Variants in PKNOX2 observed in about 807,000 individuals in gnomAD.
PKNOX2 encodes homeobox protein PKNOX2.
A neutral mutation model predicts 53.1 loss-of-function variants in PKNOX2; 14 were observed. The ratio of observed to expected loss-of-function variants is 0.26; its 90% confidence interval spans 0.17 to 0.41. The LOEUF (loss-of-function observed/expected upper bound fraction) is 0.41, where lower values mean the gene tolerates loss of function less well. Among genes scored for constraint, PKNOX2 ranks in the 10% least tolerant of loss-of-function variants. The pLI is 1.00. For synonymous variants in PKNOX2, 257 were observed against 242.8 expected, an observed-to-expected ratio of 1.06 and a Z score of -0.54; for missense variants, 496 against 602.8, an observed-to-expected ratio of 0.82 and a Z score of 1.85.
At chr11:125,190,320 G>A (rs1434926424) in intron 1 of PKNOX2, among the ~76,000 whole-genome samples, 1 of 152,124 alleles carries the variant, frequency 6.6e-6, no homozygotes, top group Non-Finnish European at 1.5e-5. Flanking sequence ...CCTCCTATCC[G>A]TGCCCAGCAT....
intron 10 of PKNOX2, among the ~76,000 whole-genome samples, chr11:125,413,065 A>G (rs936356579): frequency 6.6e-6 from 1 of 152,200 alleles, no homozygotes; most frequent in Non-Finnish European, 1.5e-5. Flanking sequence ...GGAGCTCGGC[A>G]TCTCCCCAAA....
intron 1 of PKNOX2, among the ~76,000 whole-genome samples, chr11:125,195,889 A>G (rs1280958990): frequency 5.6e-5 from 3 of 53,558 alleles, no homozygotes; most frequent in Non-Finnish European, 1.3e-4. Context: ...ACATGCACAC[A>G]CACACACACA....
intron 6 of PKNOX2, among the ~76,000 whole-genome samples, chr11:125,388,480 A>T (rs1953802863): frequency 6.6e-6 from 1 of 152,150 alleles, no homozygotes; most frequent in East Asian, 1.9e-4. Context: ...TTTCTTATAT[A>T]TATGTGTGTC....
At chr11:125,225,060 T>A (rs573247688) in intron 1 of PKNOX2, among the ~76,000 whole-genome samples, 2 of 152,296 alleles carry the variant, frequency 1.3e-5, no homozygotes, top group East Asian at 3.9e-4. Flanking sequence ...TAGCTTGGCT[T>A]GGATTTGATA....
At chr11:125,228,508 ACC>A (rs1941920577) in intron 1 of PKNOX2, among the ~76,000 whole-genome samples, 1 of 152,038 alleles carries the variant, frequency 6.6e-6, no homozygotes, top group African/African-American at 2.4e-5. Context: ...TCTCAATGAC[ACC>A]CCACACTGGC....
rs368056683 is a variant in PKNOX2 at position 125,324,103 on chromosome 11, TGAGAA to T, written c.-129-7713_-129-7709del. On this transcript the variant is annotated intron_variant, in intron 2 of 12. Coordinates refer to ENST00000298282, the MANE Select transcript of PKNOX2 (RefSeq NM_001382323.2). ...GAAATGTCACCGACTCACCAAATGA[TGAGAA>T]GAAGAATTCTTCTTGTTTATTTCCC... 4.6e-3 allele frequency among the ~76,000 whole-genome samples: 706 copies of T among 152,216 alleles called. 4 individuals carry two copies. The highest frequency in any genetic ancestry group is 0.016 in the African/African-American group (670 of 41,534).
intron 6 of PKNOX2, among the ~76,000 whole-genome samples, chr11:125,395,520 C>G (rs1475396331): frequency 2.6e-5 from 4 of 152,190 alleles, no homozygotes. Context: ...AGTGGCTGTA[C>G]CATTTTACAC....
chr11:125,198,727 T>C (rs1324879748), intron 1 of PKNOX2, among the ~76,000 whole-genome samples: 3 of 145,220 alleles, frequency 2.1e-5, no homozygotes, highest in African/African-American at 7.3e-5. Flanking sequence ...CCTCCCTTAT[T>C]GCCACCTGCT....
chr11:125,256,714 T>G (rs1944425170), intron 2 of PKNOX2, among the ~76,000 whole-genome samples: 1 of 152,154 alleles, frequency 6.6e-6, no homozygotes, highest in South Asian at 2.1e-4. Flanking sequence ...GAGAGATACT[T>G]TTTTTCCAGA....
chr11:125,198,774 C>T (rs1335429339), intron 1 of PKNOX2, among the ~76,000 whole-genome samples: 1 of 151,886 alleles, frequency 6.6e-6, no homozygotes, highest in Non-Finnish European at 1.5e-5. Flanking sequence ...AGATTCTACT[C>T]CCTCACCTCT....
intron 1 of PKNOX2, among the ~76,000 whole-genome samples, chr11:125,211,732 A>G (rs1939875930): frequency 6.6e-6 from 1 of 152,068 alleles, no homozygotes; most frequent in Non-Finnish European, 1.5e-5. Flanking sequence ...TTTGGGCTGC[A>G]GGGGGAGGTG....
chr11:125,243,965 C>T (rs989048142), intron 2 of PKNOX2, among the ~76,000 whole-genome samples: 16 of 152,178 alleles, frequency 1.1e-4, no homozygotes, highest in African/African-American at 3.9e-4. Flanking sequence ...CCAGTGTGCA[C>T]TGCCAGGGGA....
chr11:125,404,498 C>T (rs1005594268), intron 7 of PKNOX2, among the ~76,000 whole-genome samples: 22 of 152,178 alleles, frequency 1.4e-4, no homozygotes, highest in Non-Finnish European at 4.4e-5. Context: ...TTTTCTTGGT[C>T]TAAGACAGGG....
At chr11:125,249,587 A>G (rs1022424137) in intron 2 of PKNOX2, among the ~76,000 whole-genome samples, 3 of 152,190 alleles carry the variant, frequency 2.0e-5, no homozygotes, top group Non-Finnish European at 4.4e-5. Context: ...GATGATTTAA[A>G]GTATATGGGA....
chr11:125,328,386 A>G (rs1949952741), intron 2 of PKNOX2, among the ~76,000 whole-genome samples: 1 of 138,300 alleles, frequency 7.2e-6, no homozygotes, highest in Admixed American at 7.1e-5. Context: ...AGAGTGAGTG[A>G]GAGAGAAAGA....
At chr11:125,320,268 C>A (rs1294485360) in intron 2 of PKNOX2, among the ~76,000 whole-genome samples, 1 of 152,142 alleles carries the variant, frequency 6.6e-6, no homozygotes, top group South Asian at 2.1e-4. Context: ...TGAATTAGCA[C>A]CCCTCCTTTT....
At chr11:125,187,233 T>C (rs1199186251) in intron 1 of PKNOX2, among the ~76,000 whole-genome samples, 2 of 152,198 alleles carry the variant, frequency 1.3e-5, no homozygotes, top group Non-Finnish European at 2.9e-5. Flanking sequence ...GATTAACTTT[T>C]CCGTTTTTTT....
At chr11:125,189,405 A>ATATATATATGTGTG (rs1440074150) in intron 1 of PKNOX2, among the ~76,000 whole-genome samples, 14 of 68,186 alleles carry the variant, frequency 2.1e-4, no homozygotes, top group African/African-American at 7.0e-4. Context: ...ATATGTGTGT[A>ATATATATATGTGTG]TATATATATG....
chr11:125,351,256 G>T (rs566511497), intron 3 of PKNOX2, 28 bp from the exon 4 acceptor site: 2 of 949,788 alleles, frequency 2.1e-6, no homozygotes, highest in South Asian at 2.7e-5. Flanking sequence ...CGGTGTTAAC[G>T]GTGCGGCCCC....
Sources: gnomAD v4.1 joint callset for allele counts (sites outside exome capture counted in the v4.1 genomes callset) on GRCh38, gnomAD v4.1.1 for gene constraint, MANE v1.5 for transcripts, NCBI Gene and HGNC (gene_info 2026-07-23, HGNC 2026-07-21) for gene names.